Variants in ABCC3 observed in about 807,000 individuals in gnomAD.
The protein encoded by ABCC3 is ATP binding cassette subfamily C member 3, also known as ATP-binding cassette sub-family C member 3.
A neutral mutation model predicts 165.3 loss-of-function variants in ABCC3; 121 were observed. The observed-to-expected ratio is 0.73, with a 90% CI of 0.63 to 0.85. The LOEUF is 0.85. Ranked by LOEUF, ABCC3 falls within the 40% of genes least tolerant of loss-of-function variation. The pLI is 0.00. For missense variants in ABCC3, 1,869 were observed against 1,964.1 expected, an observed-to-expected ratio of 0.95 and a Z score of 0.92; for synonymous variants, 733 against 810.1, an observed-to-expected ratio of 0.90 and a Z score of 1.62.
At position 50,683,622 on chromosome 17, in the gene ABCC3, G is replaced by C; in HGVS notation, c.3820G>C (p.Val1274Leu). The change falls in exon 27 of 31, where the codon GTG becomes CTG. Residue 1274 changes from valine (V) to leucine (L), a missense_variant. Transcript: ENST00000285238. ...SKTETEAPWV[V>L]EGSRPPEGWP... Reference sequence around the variant, plus strand: ...CCCCTCCTGCCAGGCGCCCTGGGTGGTGGAAGGCAGCCGCCCTCCCGAAGG... The same window carrying C: ...CCCCTCCTGCCAGGCGCCCTGGGTGCTGGAAGGCAGCCGCCCTCCCGAAGG... 6.3e-7 allele frequency: 1 copy of C among 1,579,710 alleles called. No individual in the cohort carries two copies. The highest frequency in any genetic ancestry group is 8.6e-7 in the Non-Finnish European group (1 of 1,163,360).
chr17:50,664,727 A>G, intron 10 of ABCC3: 1 of 169,148 alleles, frequency 5.9e-6, no homozygotes, highest in South Asian at 1.4e-4. Flanking sequence ...AAAAAAAAAA[A>G]GAATTGACAC....
At chr17:50,672,280 C>T (rs1445462871) in intron 17 of ABCC3, among the ~76,000 whole-genome samples, 4 of 152,192 alleles carry the variant, frequency 2.6e-5, no homozygotes, top group East Asian at 3.8e-4. Flanking sequence ...TTTGTCTTTT[C>T]GTGACGGGCT....
intron 1 of ABCC3, among the ~76,000 whole-genome samples, chr17:50,636,438 C>T (rs1235218629): frequency 6.6e-6 from 1 of 152,114 alleles, no homozygotes; most frequent in East Asian, 1.9e-4. Flanking sequence ...AAAGGTTAAT[C>T]CGAGATGGTG....
rs765604237 is a variant in ABCC3 at position 50,657,088 on chromosome 17, G to A, written c.391G>A (p.Val131Ile). ...GATACAGTATGAGCGGCTGCAGGGC[G>A]TACAGTCTTCGGGGGTCCTCATTAT... ...LLIQYERLQGVQSSGVLIIFW... is the reference protein window; with the variant it reads ...LLIQYERLQGIQSSGVLIIFW... Residue 131 changes from valine to isoleucine, a missense_variant, in exon 4 of 31, where the codon GTA becomes ATA. Coordinates refer to ENST00000285238, the MANE Select transcript of ABCC3 (RefSeq NM_003786.4). 2.0e-5 allele frequency: 32 copies of A among 1,614,032 alleles called. No individual in the cohort carries two copies. The highest frequency in any genetic ancestry group is 7.7e-5 in the South Asian group (7 of 91,076).
At chr17:50,658,606 A>C (rs1910127109) in intron 6 of ABCC3, 110 bp downstream of exon 6, 2 of 1,208,986 alleles carry the variant, frequency 1.7e-6, no homozygotes, top group Non-Finnish European at 2.4e-6. Context: ...CACCTATCCC[A>C]CCCCCCACCG....
At chr17:50,657,980 C>T in intron 4 of ABCC3, 102 bp from the exon 5 acceptor site, 1 of 1,549,138 alleles carries the variant, frequency 6.5e-7, no homozygotes, top group Non-Finnish European at 8.8e-7. Context: ...GGTGCTGCCT[C>T]CTGCCCCAGA....
chr17:50,683,540 G>T, intron 26 of ABCC3, 70 bp from the exon 27 acceptor site: 2 of 1,458,142 alleles, frequency 1.4e-6, no homozygotes, highest in South Asian at 1.5e-5. Flanking sequence ...GGCCTTGGGG[G>T]AGAGAGACCG....
chr17:50,682,758 C>T (rs1967950356), intron 26 of ABCC3, among the ~76,000 whole-genome samples: 1 of 152,212 alleles, frequency 6.6e-6, no homozygotes, highest in Admixed American at 6.5e-5. Flanking sequence ...ATATGCCTCC[C>T]TCTACTAGAA....
chr17:50,658,026 G>T, intron 4 of ABCC3, 56 bp from the exon 5 acceptor site: 1 of 1,612,266 alleles, frequency 6.2e-7, no homozygotes, highest in Non-Finnish European at 8.5e-7. Flanking sequence ...GCAGGGCAGG[G>T]GCTGCAGGCC....
At position 50,676,451 on chromosome 17, in the gene ABCC3, G is replaced by T. The variant is rs1372083874; in HGVS notation, c.3241G>T (p.Glu1081Ter). The T allele has an allele frequency of 6.2e-7, 1 of 1,614,096 alleles. No homozygotes were observed. The highest frequency in any genetic ancestry group is 8.5e-7 in the Non-Finnish European group (1 of 1,180,050). Residue 1081 changes from glutamate to a stop codon, truncating the protein, a stop_gained, in exon 23 of 31, where the codon GAG (glutamate) becomes TAG (stop). Transcript: ENST00000285238. LOFTEE classifies it high-confidence loss of function. Reference protein sequence around the residue: ...CFSKDIYVVDEVLAPVILMLL... With the variant: ...CFSKDIYVVD ...CTCCAAGGACATCTATGTCGTTGAT[G>T]AGGTTCTGGCCCCTGTCATCCTCAT...
chr17:50,684,575 T>G, intron 28 of ABCC3, 134 bp from the exon 29 acceptor site: 1 of 954,080 alleles, frequency 1.0e-6, no homozygotes, highest in Non-Finnish European at 1.5e-6. Context: ...TCTTTGGCCA[T>G]TGTGTCCTCT....
intron 10 of ABCC3, chr17:50,664,702 CAAAAAAAAAA>C (rs58513664): frequency 8.3e-5 from 4 of 47,968 alleles, no homozygotes; most frequent in Non-Finnish European, 1.3e-4. Context: ...GACTCTGTCT[CAAAAAAAAAA>C]AAAAAAAAAA....
chr17:50,651,773 G>T (rs1967120621), intron 1 of ABCC3, among the ~76,000 whole-genome samples: 1 of 152,124 alleles, frequency 6.6e-6, no homozygotes, highest in African/African-American at 2.4e-5. Flanking sequence ...TTTTACATGG[G>T]AATTTTATCT....
At position 50,651,688 on chromosome 17, in the gene ABCC3, T is replaced by C. The variant is rs541217690; in HGVS notation, c.46-4144T>C. ...TGCAGTGAGCCGAGATCTTGCCACTTGCACTCCAGAGTAGGCGATAGAGAC... is the reference window on the plus strand; with the variant it reads ...TGCAGTGAGCCGAGATCTTGCCACTCGCACTCCAGAGTAGGCGATAGAGAC... On this transcript the variant is annotated intron_variant, in intron 1 of 30. Transcript: ENST00000285238. Among the ~76,000 whole-genome samples the C allele has an allele frequency of 6.6e-5, 10 of 152,284 alleles. 1 individual carries two copies. The South Asian group carries it at 1.2e-3, about 19-fold the overall frequency.
intron 1 of ABCC3, among the ~76,000 whole-genome samples, chr17:50,652,432 A>G (rs1217200177): frequency 6.6e-6 from 1 of 152,198 alleles, no homozygotes. Flanking sequence ...TAAGGAACCT[A>G]TTATAAAGAG....
chr17:50,683,350 T>TA (rs1202475371), intron 26 of ABCC3, among the ~76,000 whole-genome samples: 1,551 of 111,524 alleles, frequency 0.014, 9 homozygotes, highest in Non-Finnish European at 0.017. Flanking sequence ...TCTCAAAAAT[T>TA]AAAAAAAAAA....
intron 18 of ABCC3, 101 bp downstream of exon 18, chr17:50,673,239 G>A (rs1349016777): frequency 1.4e-6 from 2 of 1,469,490 alleles, no homozygotes; most frequent in Non-Finnish European, 9.2e-7. Context: ...GGAGGTGTGG[G>A]GGGCGCAAGA....
At chr17:50,664,450 A>T in intron 10 of ABCC3, 1 of 291,228 alleles carries the variant, frequency 3.4e-6, no homozygotes, top group Non-Finnish European at 6.6e-6. Context: ...CACGCCTGTA[A>T]TCCCAGCATT....
rs1967464559 is a variant in ABCC3, at chr17:50,664,027, G to T, written c.1254G>T (p.Gln418His). The T allele has an allele frequency of 2.5e-6, 4 of 1,614,210 alleles. No homozygotes were observed. Residue 418 changes from glutamine to histidine, a missense_variant, in exon 10 of 31, where the codon CAG becomes CAT. By Grantham distance (24) the Gln-to-His change is conservative. Coordinates refer to ENST00000285238, the MANE Select transcript of ABCC3 (RefSeq NM_003786.4). Reference sequence around the variant, plus strand: ...TCAACCTCATGTCAGTGGATGCCCAGCGCTTCATGGACCTTGCCCCCTTCC... The same window carrying T: ...TCAACCTCATGTCAGTGGATGCCCATCGCTTCATGGACCTTGCCCCCTTCC... ...EIVNLMSVDAQRFMDLAPFLN... is the reference protein window; with the variant it reads ...EIVNLMSVDAHRFMDLAPFLN...
Sources: allele counts gnomAD v4.1 joint callset (sites outside exome capture counted in the v4.1 genomes callset), GRCh38; gene constraint gnomAD v4.1.1; transcripts MANE v1.5; gene names NCBI Gene and HGNC (gene_info 2026-07-23, HGNC 2026-07-21).